CFAP97D2: variants seen among roughly 807,000 people sequenced by gnomAD.
CFAP97D2 encodes the protein CFAP97 domain containing 2.
At chr13:114,214,453 A>G (rs767411059) in intron 4 of CFAP97D2, among the ~76,000 whole-genome samples, 16 of 152,244 alleles carry the variant, frequency 1.1e-4, no homozygotes, top group Non-Finnish European at 1.6e-4. Flanking sequence ...AAACCATAAA[A>G]TGTCAAACAG....
chr13:114,188,699 C>A (rs1452779238), intron 1 of CFAP97D2, among the ~76,000 whole-genome samples: 2 of 151,106 alleles, frequency 1.3e-5, no homozygotes, highest in Non-Finnish European at 2.9e-5. Context: ...ATGGCATGAA[C>A]CCCGGAGGAG....
downstream of CFAP97D2, chr13:114,222,683 T>A: frequency 5.1e-6 from 2 of 394,646 alleles, no homozygotes; most frequent in Non-Finnish European, 8.9e-6. This position sits in a 1 kb window ranked among gnomAD's most constrained non-coding sequence, Gnocchi z 4.4. Context: ...CTCAGGGCAG[T>A]GTGGGGAATC....
In CFAP97D2 at chr13:114,191,235, C is replaced by G. The variant is rs1376143440; in HGVS notation, c.91-5161C>G. On this transcript the variant is annotated intron_variant, in intron 1 of 4. Transcript: ENST00000646158. ...AGAAATAGGTTTTTAGACACAATGC[C>G]AATGGCATGATCTATGAAAGAAATT... Among the ~76,000 whole-genome samples, 8 of 152,024 alleles carry G rather than the reference C, an allele frequency of 5.3e-5. No homozygotes were observed. In the East Asian group the frequency reaches 1.5e-3, roughly 29 times the overall value.
At position 114,203,527 on chromosome 13, in the gene CFAP97D2, A is replaced by G. The variant is rs1317656569; in HGVS notation, c.290+3084A>G. On this transcript the variant is annotated intron_variant, in intron 3 of 4. Coordinates refer to ENST00000646158, the Ensembl canonical transcript of CFAP97D2. This position sits in a 1 kb window ranked among gnomAD's most constrained non-coding sequence, Gnocchi z 4.3. ...CTCCTTAGTTCAGCTGAAACTGGGTACTTGTCACATGACCAGGAAAATCTA... is the reference window on the plus strand; with the variant it reads ...CTCCTTAGTTCAGCTGAAACTGGGTGCTTGTCACATGACCAGGAAAATCTA... Among the ~76,000 whole-genome samples, 1 of 152,224 alleles carries G rather than the reference A, an allele frequency of 6.6e-6. No individual in the cohort carries two copies. Among genetic ancestry groups the G allele is most frequent in the African/African-American group, 2.4e-5 (1 of 41,452 alleles).
intron 1 of CFAP97D2, among the ~76,000 whole-genome samples, chr13:114,181,861 C>T (rs1415918592): frequency 2.6e-5 from 4 of 152,084 alleles, no homozygotes; most frequent in African/African-American, 9.7e-5. Flanking sequence ...GTGGCCCCTG[C>T]CCCCAGCGCT....
intron 3 of CFAP97D2, among the ~76,000 whole-genome samples, chr13:114,208,968 A>G (rs979012655): frequency 1.3e-5 from 2 of 152,160 alleles, no homozygotes; most frequent in African/African-American, 4.8e-5. Context: ...CAGAGAATTA[A>G]ATAGGACCCC....
intron 4 of CFAP97D2, among the ~76,000 whole-genome samples, chr13:114,216,461 C>A (rs1219661992): frequency 2.6e-5 from 4 of 152,010 alleles, no homozygotes; most frequent in East Asian, 1.9e-4. Flanking sequence ...CCACGACAGG[C>A]CCCGGTGTGT....
intron 1 of CFAP97D2, among the ~76,000 whole-genome samples, chr13:114,184,706 G>A (rs1487176296): frequency 6.6e-6 from 1 of 152,206 alleles, no homozygotes; most frequent in Non-Finnish European, 1.5e-5. Flanking sequence ...CAGTTGACCT[G>A]CCTTGGAAGA....
chr13:114,182,409 G>C (rs914753151), intron 1 of CFAP97D2, among the ~76,000 whole-genome samples: 1 of 152,030 alleles, frequency 6.6e-6, no homozygotes, highest in Non-Finnish European at 1.5e-5. Flanking sequence ...CCCAGGGGCA[G>C]GCAGGAGACA....
chr13:114,185,702 C>T lies in CFAP97D2; in HGVS notation c.90+6282C>T, dbSNP rs771829180. On this transcript the variant is annotated intron_variant, in intron 1 of 4. Transcript: ENST00000646158. The surrounding 1 kb of genome is among the most constrained non-coding windows in gnomAD (Gnocchi z 5.2). ...GCCAAGCCCAGGCACTGTCACAGCC[C>T]GGCTGGGTGTGCCCACACTTAGGGC... Among the ~76,000 whole-genome samples, 26 of 152,244 alleles carry T rather than the reference C, an allele frequency of 1.7e-4. No individual in the cohort carries two copies. In the East Asian group the frequency reaches 2.7e-3, roughly 16 times the overall value.
chr13:114,209,982 G>A (rs1196012023), intron 3 of CFAP97D2, among the ~76,000 whole-genome samples: 3 of 152,092 alleles, frequency 2.0e-5, no homozygotes, highest in African/African-American at 7.2e-5. Context: ...TGTTTTTATT[G>A]TTCCTGATTA....
intron 1 of CFAP97D2, among the ~76,000 whole-genome samples, chr13:114,188,933 G>GA (rs544151945): frequency 4.0e-5 from 6 of 149,696 alleles, no homozygotes; most frequent in South Asian, 2.1e-4. Flanking sequence ...AATTCTTTGG[G>GA]AAAAAAAATC....
chr13:114,195,642 C>T (rs2080883525), intron 1 of CFAP97D2, among the ~76,000 whole-genome samples: 1 of 152,186 alleles, frequency 6.6e-6, no homozygotes. Context: ...AAATGTTTCC[C>T]TTATTTGTAC....
chr13:114,199,550 G>A (rs1163609175), intron 2 of CFAP97D2, among the ~76,000 whole-genome samples: 5 of 35,062 alleles, frequency 1.4e-4, no homozygotes, highest in Non-Finnish European at 2.2e-4. Flanking sequence ...GCGTCCCCGT[G>A]TGTACGGTCC....
chr13:114,192,755 A>T, intron 1 of CFAP97D2, among the ~76,000 whole-genome samples: 1 of 152,348 alleles, frequency 6.6e-6, no homozygotes, highest in Middle Eastern at 3.4e-3. Context: ...TCTGAAGCAC[A>T]CTTTAAATAA....
intron 4 of CFAP97D2, among the ~76,000 whole-genome samples, chr13:114,221,046 A>T (rs1052380498): frequency 6.6e-6 from 1 of 152,254 alleles, no homozygotes; most frequent in Admixed American, 6.5e-5. Context: ...CAGGAGATCG[A>T]GACCATCCTG....
intron 1 of CFAP97D2, among the ~76,000 whole-genome samples, chr13:114,194,833 G>A (rs2080880249): frequency 6.6e-6 from 1 of 152,222 alleles, no homozygotes; most frequent in Non-Finnish European, 1.5e-5. Flanking sequence ...AAGCTAGTGT[G>A]ACATTTTTAA....
At chr13:114,193,468 C>T (rs1268690033) in intron 1 of CFAP97D2, among the ~76,000 whole-genome samples, 1 of 152,058 alleles carries the variant, frequency 6.6e-6, no homozygotes, top group African/African-American at 2.4e-5. Flanking sequence ...TGGTGAGGAT[C>T]TTCTTGCTGT....
In CFAP97D2 at chr13:114,185,467, C is replaced by A. The variant is rs1012512261; in HGVS notation, c.90+6047C>A. ...TGTGGGAGCCAGGAATGAGTGGGAG[C>A]CCCACCCCTTCTGAGTTGGCATGTC... is the stretch of plus-strand genomic sequence containing the variant. On this transcript the variant is annotated intron_variant, in intron 1 of 4. Transcript: ENST00000646158. The surrounding 1 kb of genome is among the most constrained non-coding windows in gnomAD (Gnocchi z 5.2). Among the ~76,000 whole-genome samples the A allele has an allele frequency of 6.6e-6, 1 of 152,170 alleles. No homozygotes were observed. The highest frequency in any genetic ancestry group is 1.5e-5 in the Non-Finnish European group (1 of 68,020).
Sources: gnomAD v4.1 joint callset for allele counts (sites outside exome capture counted in the v4.1 genomes callset) on GRCh38, gnomAD v4.1.1 for gene constraint, Gnocchi (gnomAD v3.1) non-coding constraint, MANE v1.5 for transcripts, NCBI Gene and HGNC (gene_info 2026-07-23, HGNC 2026-07-21) for gene names.